The following ALG6 variants were observed in gnomAD, a reference collection of about 807,000 sequenced individuals.
ALG6 encodes the protein ALG6 alpha-1,3-glucosyltransferase.
In ALG6, 46 loss-of-function variants were observed where a neutral mutation model predicts 66.6. The observed-to-expected ratio is 0.69, with a 90% CI of 0.55 to 0.88. The LOEUF (loss-of-function observed/expected upper bound fraction) is 0.88, where lower values mean the gene tolerates loss of function less well. Ranked by LOEUF, ALG6 falls within the 40% of genes least tolerant of loss-of-function variation. The pLI, the probability that ALG6 is intolerant of heterozygous loss-of-function variation, is 0.00. For synonymous variants in ALG6, 185 were observed against 203.7 expected, an observed-to-expected ratio of 0.91 and a Z score of 0.78; for missense variants, 505 against 586.8, an observed-to-expected ratio of 0.86 and a Z score of 1.44.
rs764952843 is a variant in ALG6 at position 63,402,234 on chromosome 1, C to T, written c.168-20C>T. ...ATATTGATTAACGGAATGGTGCTTT[C>T]TTCTTTTTTTCTTTTTCAGGTATTT... is the stretch of plus-strand genomic sequence containing the variant. On this transcript the variant is annotated intron_variant, in intron 3 of 14. Coordinates refer to ENST00000263440, the MANE Select transcript of ALG6 (RefSeq NM_013339.4). The T allele has an allele frequency of 6.9e-7, 1 of 1,452,734 alleles. No individual in the cohort carries two copies. Among genetic ancestry groups the T allele is most frequent in the Non-Finnish European group, 9.7e-7 (1 of 1,034,226 alleles). The allele number at this position is 1,452,734 out of a possible 1,614,324, so 90.0% of individuals were successfully genotyped here. A position where few individuals can be genotyped will look rare whatever the true frequency, so the allele number is the denominator to read the frequency against.
At position 63,416,615 on chromosome 1, in the gene ALG6, G is replaced by C. The variant is rs536216988; in HGVS notation, c.987+658G>C. Among the ~76,000 whole-genome samples the C allele has an allele frequency of 2.0e-5, 3 of 152,262 alleles. No individual in the cohort carries two copies. The South Asian group carries it at 6.2e-4, about 32-fold the overall frequency. The stretch of plus-strand genomic sequence containing the variant: ...TGAAAATCTTGGTTGAAAAGGTTTG[G>C]AGTTTGATTTGTGTGCAAGAGAAAC... On this transcript the variant is annotated intron_variant, in intron 11 of 14. Transcript: ENST00000263440.
At position 63,415,920 on chromosome 1, in the gene ALG6, T is replaced by C. The variant is rs376087919; in HGVS notation, c.950T>C (p.Ile317Thr). Residue 317 changes from isoleucine (I) to threonine (T), a missense_variant, in exon 11 of 15, where the codon ATA (isoleucine) becomes ACA (threonine). Transcript: ENST00000263440. ...CTGCTTCCTGCATGCATAAAATTAA[T>C]ACTTCAGCCCTCTTCCAAAGGATTC... ...LSLLPACIKL[I>T]LQPSSKGFKF... The C allele has an allele frequency of 2.7e-5, 44 of 1,612,156 alleles. No individual in the cohort carries two copies. The highest frequency in any genetic ancestry group is 1.3e-5 in the African/African-American group (1 of 74,866).
At chr1:63,378,629 A>G (rs1349712730) in intron 2 of ALG6, among the ~76,000 whole-genome samples, 1 of 152,196 alleles carries the variant, frequency 6.6e-6, no homozygotes, top group Non-Finnish European at 1.5e-5. Flanking sequence ...AAAATAGACA[A>G]TAATCTCTTC....
At chr1:63,371,793 C>T (rs571804013) in intron 2 of ALG6, among the ~76,000 whole-genome samples, 2 of 152,002 alleles carry the variant, frequency 1.3e-5, no homozygotes, top group Admixed American at 1.3e-4. Context: ...TTAGTAGAGA[C>T]GGGGTTTCAC....
At position 63,382,447 on chromosome 1, in the gene ALG6, C is replaced by T. The variant is rs1036194310; in HGVS notation, c.82+11388C>T. On this transcript the variant is annotated intron_variant, in intron 2 of 14. Transcript: ENST00000263440. ...CGAACTCCTGACTTCAAGTGATCTGCCCGCCTCAGCGCCCAGCTGATTATT... is the reference window on the plus strand; with the variant it reads ...CGAACTCCTGACTTCAAGTGATCTGTCCGCCTCAGCGCCCAGCTGATTATT... Among the ~76,000 whole-genome samples the T allele has an allele frequency of 4.6e-5, 7 of 151,708 alleles. No homozygotes were observed. The East Asian group carries it at 1.4e-3, about 30-fold the overall frequency.
At chr1:63,409,803 G>A (rs1334477143) in intron 7 of ALG6, among the ~76,000 whole-genome samples, 2 of 152,188 alleles carry the variant, frequency 1.3e-5, no homozygotes, top group African/African-American at 4.8e-5. Context: ...TAAGTGGGGA[G>A]CAAGCTGGCC....
In ALG6 at chr1:63,400,318, T is replaced by C. The variant is rs1322544028; in HGVS notation, c.168-1936T>C. Among the ~76,000 whole-genome samples the C allele has an allele frequency of 6.0e-4, 8 of 13,230 alleles. 2 individuals carry two copies. Among genetic ancestry groups the C allele is most frequent in the African/African-American group, 3.3e-3 (5 of 1,532 alleles). The allele number at this position is 13,230 out of a possible 152,430, so 8.7% of individuals were successfully genotyped here. A position where few individuals can be genotyped will look rare whatever the true frequency, so the allele number is the denominator to read the frequency against. On this transcript the variant is annotated intron_variant, in intron 3 of 14. Coordinates refer to ENST00000263440, the MANE Select transcript of ALG6 (RefSeq NM_013339.4). ...ATACGTATATATATGTATATATATA[T>C]ACGTATATATATATATACGTATATA...
Position 63,370,231 on chromosome 1 carries a change from T to G in ALG6, c.-207-540T>G, listed in dbSNP as rs138345546. Among the ~76,000 whole-genome samples the G allele has an allele frequency of 5.5e-4, 84 of 152,172 alleles. 2 individuals are homozygous for G. The East Asian group carries it at 0.015, about 28-fold the overall frequency. ...TGTATTTTTTTCTCACGATTTGGGATTATTCTTAATGATTCTTAAAAAGGC... is the reference window on the plus strand; with the variant it reads ...TGTATTTTTTTCTCACGATTTGGGAGTATTCTTAATGATTCTTAAAAAGGC... On this transcript the variant is annotated intron_variant, in intron 1 of 14. Transcript: ENST00000263440.
At chr1:63,421,987 C>G (rs1016882728) in intron 12 of ALG6, among the ~76,000 whole-genome samples, 1 of 145,704 alleles carries the variant, frequency 6.9e-6, no homozygotes, top group Non-Finnish European at 1.5e-5. Context: ...CCTGCATGTT[C>G]TGCACATGTA....
chr1:63,380,032 A>C (rs1288443775), intron 2 of ALG6, among the ~76,000 whole-genome samples: 1 of 152,056 alleles, frequency 6.6e-6, no homozygotes, highest in Non-Finnish European at 1.5e-5. Flanking sequence ...ACTTTTGTGC[A>C]AGAAGAAAAC....
At chr1:63,428,825 A>C in intron 13 of ALG6, 24 bp downstream of exon 13, 1 of 1,590,534 alleles carries the variant, frequency 6.3e-7, no homozygotes, top group Non-Finnish European at 8.6e-7. Flanking sequence ...ATTTCCATAT[A>C]TTTTCAGTAT....
intron 2 of ALG6, among the ~76,000 whole-genome samples, chr1:63,391,830 A>C (rs12123369): frequency 3.4e-3 from 511 of 152,332 alleles, no homozygotes; most frequent in Non-Finnish European, 4.8e-3. Context: ...AGACCTAAAA[A>C]TATTGAATAA....
rs924459088 is a variant in ALG6 at position 63,406,471 on chromosome 1, C to T, written c.429+72C>T. 6.8e-6 allele frequency: 9 copies of T among 1,314,354 alleles called. No homozygotes were observed. In the African/African-American group the frequency reaches 1.3e-4, roughly 19 times the overall value. The allele number at this position is 1,314,354 out of a possible 1,614,324, so 81.4% of individuals were successfully genotyped here. ...TATTAGTCTAACTATTAAGTATAGA[C>T]CTTAGAGAAGCCATGCTTTTGGAAA... On this transcript the variant is annotated intron_variant, in intron 6 of 14. Coordinates refer to ENST00000263440, the MANE Select transcript of ALG6 (RefSeq NM_013339.4).
At chr1:63,391,286 C>T (rs1001321544) in intron 2 of ALG6, among the ~76,000 whole-genome samples, 1 of 152,020 alleles carries the variant, frequency 6.6e-6, no homozygotes, top group Non-Finnish European at 1.5e-5. Context: ...AGTTTGAAAC[C>T]TTCAGAAGGA....
chr1:63,426,890 T>C (rs1644617764), intron 12 of ALG6, among the ~76,000 whole-genome samples: 1 of 152,122 alleles, frequency 6.6e-6, no homozygotes, highest in Admixed American at 6.5e-5. Context: ...AAATATTGAA[T>C]GCATAAATGG....
At chr1:63,427,469 C>T (rs905311081) in intron 12 of ALG6, among the ~76,000 whole-genome samples, 7 of 151,972 alleles carry the variant, frequency 4.6e-5, no homozygotes, top group Non-Finnish European at 8.8e-5. Flanking sequence ...ATAATGATAA[C>T]AATTATTCAA....
chr1:63,410,565 CT>C (rs1269056642), intron 7 of ALG6, among the ~76,000 whole-genome samples: 1 of 152,118 alleles, frequency 6.6e-6, no homozygotes, highest in Non-Finnish European at 1.5e-5. Context: ...TGAATTTATA[CT>C]ATTAAATTCC....
At chr1:63,432,992 G>A (rs1570094162) in intron 14 of ALG6, among the ~76,000 whole-genome samples, 1 of 151,974 alleles carries the variant, frequency 6.6e-6, no homozygotes, top group East Asian at 1.9e-4. Context: ...GCCCAGGCTG[G>A]AGTGCAATGG....
rs879133727 is a variant in ALG6 at position 63,411,278 on chromosome 1, AT to A, written c.634del (p.Cys212AlafsTer20). 1.2e-6 allele frequency: 2 copies of A among 1,613,624 alleles called. No individual in the cohort carries two copies. The highest frequency in any genetic ancestry group is 2.7e-5 in the African/African-American group (2 of 74,840). On this transcript the variant is annotated frameshift_variant, in exon 8 of 15. Coordinates refer to ENST00000263440, the MANE Select transcript of ALG6 (RefSeq NM_013339.4). LOFTEE classifies it high-confidence loss of function. Reference sequence around the variant, plus strand: ...AGATGGAACTTTACCACGCCTTGCCATTTTTTTGCTTTTTACTTGGCAAGTG... The same window carrying A: ...AGATGGAACTTTACCACGCCTTGCCATTTTTTGCTTTTTACTTGGCAAGTG... ...KQMELYHALP[F>X]FCFLLGKCFK... is the part of the protein sequence containing the mutation.
Sources: gnomAD v4.1 joint callset for allele counts (sites outside exome capture counted in the v4.1 genomes callset) on GRCh38, gnomAD v4.1.1 for gene constraint, MANE v1.5 for transcripts, NCBI Gene and HGNC (gene_info 2026-07-23, HGNC 2026-07-21) for gene names.